The following MROH9 variants were observed in gnomAD, a reference collection of about 807,000 sequenced individuals.
MROH9 encodes the protein maestro heat like repeat family member 9.
A neutral mutation model predicts 98.2 loss-of-function variants in MROH9; 92 were observed. The ratio of observed to expected loss-of-function variants is 0.94; its 90% CI spans 0.79 to 1.11. The LOEUF is 1.11. Ranked by LOEUF, MROH9 falls within the 50% of genes most tolerant of loss-of-function variation. The pLI is 0.00. For missense variants in MROH9, 1,057 were observed against 1,014.8 expected (o/e 1.04, Z -0.57); for synonymous variants, 397 against 368.9 (o/e 1.08, Z -0.87).
chr1:170,999,088 T>A (rs1651693716), intron 15 of MROH9, among the ~76,000 whole-genome samples: 1 of 152,192 alleles, frequency 6.6e-6, no homozygotes, highest in East Asian at 1.9e-4. Context: ...TCATTATTTT[T>A]ATTGAATTGA....
intron 3 of MROH9, 133 bp downstream of exon 3, chr1:170,947,706 G>T: frequency 1.3e-6 from 1 of 749,266 alleles, no homozygotes; most frequent in Non-Finnish European, 2.1e-6. Context: ...GGGAAAAAAA[G>T]GCAATTTGGT....
intron 17 of MROH9, among the ~76,000 whole-genome samples, chr1:171,022,529 A>T (rs1012541216): frequency 1.3e-5 from 2 of 152,196 alleles, no homozygotes; most frequent in Non-Finnish European, 2.9e-5. Flanking sequence ...GTTCTCACTC[A>T]TAAGTGGGAG....
chr1:170,973,130 C>G (rs1048525236), intron 8 of MROH9, among the ~76,000 whole-genome samples: 3 of 152,076 alleles, frequency 2.0e-5, no homozygotes, highest in Admixed American at 1.3e-4. Flanking sequence ...CACACACACA[C>G]ACGCACGCAC....
At chr1:170,966,830 G>A (rs1650251771) in intron 7 of MROH9, among the ~76,000 whole-genome samples, 1 of 152,056 alleles carries the variant, frequency 6.6e-6, no homozygotes, top group Non-Finnish European at 1.5e-5. Context: ...GTTCACCATT[G>A]AAAATTTTGC....
intron 20 of MROH9, among the ~76,000 whole-genome samples, chr1:171,041,760 A>G (rs1653313555): frequency 6.6e-6 from 1 of 152,018 alleles, no homozygotes; most frequent in African/African-American, 2.4e-5. Flanking sequence ...AGTAATAGCC[A>G]TTCTGACTAG....
In MROH9 at chr1:171,049,172, A is replaced by G. The variant is rs1571167543; in HGVS notation, c.2282-12960A>G. On this transcript the variant is annotated intron_variant, in intron 20 of 21. Transcript: ENST00000367759. ...ATCATTACCCAACCTGCTGCCAAGT[A>G]AAAAACCACCTACACAGAAGAAACA... 3.3e-5 allele frequency among the ~76,000 whole-genome samples: 5 copies of G among 152,170 alleles called. No homozygotes were observed. The South Asian group carries it at 1.0e-3, about 32-fold the overall frequency.
chr1:171,057,094 A>G (rs1036161472), intron 20 of MROH9, among the ~76,000 whole-genome samples: 2 of 152,220 alleles, frequency 1.3e-5, no homozygotes, highest in Non-Finnish European at 2.9e-5. Flanking sequence ...CAGCAAGGGC[A>G]CAGCACTGGA....
chr1:170,988,216 G>A (rs1651223585), intron 10 of MROH9, among the ~76,000 whole-genome samples: 1 of 152,200 alleles, frequency 6.6e-6, no homozygotes, highest in Non-Finnish European at 1.5e-5. Context: ...TCCTGATGGT[G>A]ACATGAGGAA....
chr1:170,990,080 C>A (rs1651297637), intron 11 of MROH9, 77 bp downstream of exon 11: 1 of 1,424,168 alleles, frequency 7.0e-7, no homozygotes, highest in Non-Finnish European at 9.5e-7. Flanking sequence ...CTGGGTTCAA[C>A]TCTCAATCTA....
In MROH9 at chr1:170,958,482, T is replaced by C; in HGVS notation, c.94T>C (p.Leu32=). 2 of 1,591,710 alleles carry C rather than the reference T, an allele frequency of 1.3e-6. No homozygotes were observed. Among genetic ancestry groups the C allele is most frequent in the Non-Finnish European group, 1.7e-6 (2 of 1,163,978 alleles). Reference sequence around the variant, plus strand: ...TTAGGCACATAAAGTTAACAGCCTATTGGATGCATACTCAGGCCTGTTAAG... The same window carrying C: ...TTAGGCACATAAAGTTAACAGCCTACTGGATGCATACTCAGGCCTGTTAAG... ...HHMAHKVNSL[L]DAYSGLLSNE... is the part of the protein sequence containing the mutation. Residue 32 remains leucine (L), a synonymous_variant, in exon 4 of 22, where the codon TTG becomes CTG. Coordinates refer to ENST00000367759, the MANE Select transcript of MROH9 (RefSeq NM_001163629.2).
chr1:170,961,291 G>C (rs1273011648), intron 5 of MROH9, among the ~76,000 whole-genome samples: 1 of 152,128 alleles, frequency 6.6e-6, no homozygotes, highest in Non-Finnish European at 1.5e-5. Context: ...TAAGGCAAGA[G>C]AAAATTTAAA....
At chr1:170,969,701 C>T (rs1056077572) in intron 7 of MROH9, among the ~76,000 whole-genome samples, 3 of 152,036 alleles carry the variant, frequency 2.0e-5, no homozygotes, top group African/African-American at 7.2e-5. Context: ...GAGGCCAGAT[C>T]TACAAAGAAA....
intron 20 of MROH9, among the ~76,000 whole-genome samples, chr1:171,059,149 A>T (rs1454899926): frequency 2.0e-5 from 3 of 152,162 alleles, no homozygotes; most frequent in African/African-American, 7.2e-5. Context: ...ACAAGAAAAA[A>T]ACAAGTATCA....
chr1:170,992,615 G>A (rs1293777058), intron 12 of MROH9, among the ~76,000 whole-genome samples: 1 of 152,176 alleles, frequency 6.6e-6, no homozygotes, highest in Non-Finnish European at 1.5e-5. Context: ...TGACTGGCAA[G>A]GTTTAGGTAA....
intron 8 of MROH9, among the ~76,000 whole-genome samples, chr1:170,972,878 C>A (rs1482367712): frequency 1.4e-5 from 2 of 144,872 alleles, no homozygotes; most frequent in African/African-American, 5.2e-5. Flanking sequence ...CAATTCATTG[C>A]ACATTAAATA....
At chr1:171,009,428 TATATTG>T (rs1299707114) in intron 15 of MROH9, among the ~76,000 whole-genome samples, 7 of 152,232 alleles carry the variant, frequency 4.6e-5, no homozygotes, top group South Asian at 2.1e-4. Flanking sequence ...ATTGGTATTG[TATATTG>T]ATATTATCAT....
intron 8 of MROH9, 147 bp from the exon 9 acceptor site, chr1:170,983,275 T>C: frequency 1.7e-6 from 1 of 583,146 alleles, no homozygotes. Flanking sequence ...TAAAATTTTA[T>C]GAGACTAAAC....
chr1:171,021,560 A>G (rs1652520446), intron 17 of MROH9, among the ~76,000 whole-genome samples: 1 of 152,216 alleles, frequency 6.6e-6, no homozygotes, highest in South Asian at 2.1e-4. Flanking sequence ...AGCCACATGC[A>G]GAAAACCGAA....
intron 3 of MROH9, among the ~76,000 whole-genome samples, chr1:170,949,983 A>G (rs2223609): frequency 0.74 from 112,458 of 151,934 alleles, 42,075 homozygotes; most frequent in Middle Eastern, 0.9. Context: ...TACCCATAAC[A>G]TGTTAGGCAT....
Sources: allele counts gnomAD v4.1 joint callset (sites outside exome capture counted in the v4.1 genomes callset), GRCh38; gene constraint gnomAD v4.1.1; transcripts MANE v1.5; gene names NCBI Gene and HGNC (gene_info 2026-07-23, HGNC 2026-07-21).